Variants in NUP107 observed in about 807,000 individuals in gnomAD.
The protein encoded by NUP107 is nuclear pore complex protein Nup107.
NUP107 carries 101 observed loss-of-function variants against 141.0 expected under a neutral mutation model. The ratio of observed to expected loss-of-function variants is 0.72; its 90% CI spans 0.61 to 0.84. NUP107 has a LOEUF of 0.84. Ranked by LOEUF, NUP107 falls within the 40% of genes least tolerant of loss-of-function variation. The probability of loss-of-function intolerance (pLI) is 0.00; values close to 1 mark genes in which losing one functional copy is unlikely to be tolerated. For synonymous variants in NUP107, 319 were observed against 363.9 expected (o/e 0.88, Z 1.41); for missense variants, 941 against 1,102.7 (o/e 0.85, Z 2.08).
Position 68,719,374 on chromosome 12 carries a change from T to G in NUP107, c.1117T>G (p.Trp373Gly). The change falls in exon 13 of 28, where the codon TGG (tryptophan) becomes GGG (glycine). Residue 373 changes from tryptophan (W) to glycine (G), a missense_variant. Physicochemically the swap from Trp to Gly is radical, Grantham distance 184 (BLOSUM62 -2). Coordinates refer to ENST00000229179, the MANE Select transcript of NUP107 (RefSeq NM_020401.4). ...ACTCTGTAAACGCTGTGGTCAAGCA[T>G]GGAGAGCTGCAACACTTGAAGGCTG... Reference protein sequence around the residue: ...QRLCKRCGQAWRAATLEGWKL... With the variant: ...QRLCKRCGQAGRAATLEGWKL... The G allele has an allele frequency of 6.2e-7, 1 of 1,614,168 alleles. No individual in the cohort carries two copies. The highest frequency in any genetic ancestry group is 8.5e-7 in the Non-Finnish European group (1 of 1,180,018).
intron 25 of NUP107, 151 bp from the exon 26 acceptor site, chr12:68,735,080 G>A: frequency 2.9e-6 from 2 of 688,888 alleles, no homozygotes; most frequent in Non-Finnish European, 4.9e-6. Flanking sequence ...TTACTTAACT[G>A]CAGTCTGTTG....
chr12:68,712,629 T>G (rs1270635399), intron 10 of NUP107, among the ~76,000 whole-genome samples: 7 of 150,476 alleles, frequency 4.7e-5, no homozygotes, highest in African/African-American at 1.5e-4. Flanking sequence ...TTTTTTTTTT[T>G]GTTTTTTGTT....
intron 12 of NUP107, among the ~76,000 whole-genome samples, chr12:68,718,429 A>T (rs1225278594): frequency 6.6e-6 from 1 of 152,236 alleles, no homozygotes; most frequent in African/African-American, 2.4e-5. Context: ...TTACTGACTT[A>T]TTGGTCAAGT....
chr12:68,709,437 G>T, intron 9 of NUP107, 128 bp downstream of exon 9: 2 of 527,306 alleles, frequency 3.8e-6, no homozygotes. Context: ...CTTTTTATTT[G>T]CAATTAAAAG....
intron 6 of NUP107, among the ~76,000 whole-genome samples, chr12:68,700,417 A>G (rs1161269638): frequency 6.6e-6 from 1 of 152,176 alleles, no homozygotes; most frequent in African/African-American, 2.4e-5. Context: ...TATAGGTTTG[A>G]TTTAACTTAT....
At chr12:68,711,042 G>A in intron 10 of NUP107, among the ~76,000 whole-genome samples, 1 of 152,016 alleles carries the variant, frequency 6.6e-6, no homozygotes, top group South Asian at 2.1e-4. Context: ...GGATCACGAA[G>A]TCAGGAGATC....
Position 68,721,923 on chromosome 12 carries a change from T to G in NUP107, c.1394T>G (p.Ile465Ser), listed in dbSNP as rs1186585305. The G allele has an allele frequency of 6.2e-7, 1 of 1,613,862 alleles. No homozygotes were observed. The highest frequency in any genetic ancestry group is 8.5e-7 in the Non-Finnish European group (1 of 1,179,900). ...VMVDSLVEQE[I>S]QTSVATLDET... ...GTGGACAGTCTGGTAGAACAGGAGA[T>G]CCAGACATCAGTAGCAACTCTGGAT... Residue 465 changes from isoleucine to serine, a missense_variant, in exon 16 of 28, where the codon ATC becomes AGC. Ile to Ser is a moderately radical substitution (Grantham distance 142, BLOSUM62 -2). Transcript: ENST00000229179.
intron 7 of NUP107, 117 bp from the exon 8 acceptor site, chr12:68,702,619 T>C (rs1453858019): frequency 1.5e-6 from 1 of 662,016 alleles, no homozygotes; most frequent in Non-Finnish European, 2.6e-6. Context: ...AAAAAATAAA[T>C]AATAAAAAAT....
intron 8 of NUP107, among the ~76,000 whole-genome samples, chr12:68,709,015 A>G (rs963271772): frequency 2.0e-5 from 3 of 152,218 alleles, no homozygotes; most frequent in Admixed American, 6.5e-5. Flanking sequence ...TAAAGAATCA[A>G]TATACCAGGT....
rs1308458236 is a variant in NUP107 at position 68,698,041 on chromosome 12, AG to A, written c.552+1120del. Among the ~76,000 whole-genome samples the A allele has an allele frequency of 2.3e-3, 350 of 151,664 alleles. 2 individuals carry two copies. The highest frequency in any genetic ancestry group is 0.014 in the Middle Eastern group (4 of 294). On this transcript the variant is annotated intron_variant, in intron 6 of 27. Transcript: ENST00000229179. ...AGACTCCATCTCAAAAAAAAAAAAA[AG>A]AAAGAAAAGATGTTTCACATTGTAT...
At chr12:68,741,724 A>G (rs1878327298) in intron 26 of NUP107, 89 bp from the exon 27 acceptor site, 3 of 1,186,232 alleles carry the variant, frequency 2.5e-6, no homozygotes, top group Middle Eastern at 2.4e-4. Context: ...TACCAATTAC[A>G]TTCTGGGTTT....
intron 8 of NUP107, chr12:68,705,743 G>A (rs1876547026): frequency 1.4e-6 from 1 of 701,094 alleles, no homozygotes; most frequent in Admixed American, 1.9e-5. Flanking sequence ...AGCTCCTCGA[G>A]CTTCTCCCGA....
intron 12 of NUP107, 32 bp downstream of exon 12, chr12:68,715,772 C>A: frequency 1.5e-6 from 2 of 1,373,966 alleles, no homozygotes; most frequent in African/African-American, 1.4e-5. Flanking sequence ...TGTCTAATTT[C>A]AAAAAGTCAT....
At chr12:68,714,075 T>G in intron 11 of NUP107, 1 of 379,236 alleles carries the variant, frequency 2.6e-6, no homozygotes, top group South Asian at 4.0e-5. Flanking sequence ...ATCTTAAGAT[T>G]TGACTGCCTA....
rs1592501211 is a variant in NUP107, at chr12:68,706,246, C to T, written c.730-2992C>T. ...TCAAGAAGGATATGGATGAAGCTTA[C>T]AAGAACAAGGTAGAGCTGGAGTCTC... On this transcript the variant is annotated intron_variant, in intron 8 of 27. Transcript: ENST00000229179. 3.9e-6 allele frequency: 3 copies of T among 773,314 alleles called. No homozygotes were observed. In the East Asian group the frequency reaches 7.3e-5, roughly 19 times the overall value. The allele number at this position is 773,314 out of a possible 1,614,324, so 47.9% of individuals were successfully genotyped here. A position where few individuals can be genotyped will look rare whatever the true frequency, so the allele number is the denominator to read the frequency against.
At chr12:68,726,364 A>C (rs1877563224) in intron 18 of NUP107, 135 bp from the exon 19 acceptor site, 2 of 620,320 alleles carry the variant, frequency 3.2e-6, no homozygotes, top group Non-Finnish European at 5.7e-6. Context: ...GAGGGTGTAG[A>C]GTTATATCAT....
In NUP107 at chr12:68,731,106, T is replaced by G. The variant is rs1365730635; in HGVS notation, c.1735-4T>G. 1 of 1,554,180 alleles carries G rather than the reference T, an allele frequency of 6.4e-7. No homozygotes were observed. Among genetic ancestry groups the G allele is most frequent in the Non-Finnish European group, 8.7e-7 (1 of 1,148,776 alleles). On this transcript the variant is annotated splice_polypyrimidine_tract_variant and splice_region_variant and intron_variant, in intron 20 of 27. Transcript: ENST00000229179. ...ACATACTTTGATCTTTTTCTATTTT[T>G]TAGCTTTTAATAAGAGAGAAACATA...
intron 11 of NUP107, 135 bp downstream of exon 11, chr12:68,713,943 T>C (rs1876991530): frequency 1.6e-6 from 1 of 615,558 alleles, no homozygotes; most frequent in South Asian, 2.1e-5. Context: ...CTAAAACAAC[T>C]AAGTTGCATT....
chr12:68,709,879 ACT>A (rs1285822200), intron 9 of NUP107, 124 bp from the exon 10 acceptor site: 2 of 537,686 alleles, frequency 3.7e-6, no homozygotes, highest in South Asian at 3.6e-5. Context: ...ACAGAGTGAG[ACT>A]CTTTCTCAAA....
Sources: gnomAD v4.1 joint callset for allele counts (sites outside exome capture counted in the v4.1 genomes callset) on GRCh38, gnomAD v4.1.1 for gene constraint, MANE v1.5 for transcripts, NCBI Gene and HGNC (gene_info 2026-07-23, HGNC 2026-07-21) for gene names.